Variants in CAMKK2 observed in about 807,000 individuals in gnomAD.
CAMKK2 encodes the protein calcium/calmodulin dependent protein kinase kinase 2, also known as calcium/calmodulin-dependent protein kinase kinase 2.
Under a neutral mutation model 67.2 loss-of-function variants are expected in CAMKK2, and 30 were observed. The ratio of observed to expected loss-of-function variants is 0.45; its 90% confidence interval spans 0.33 to 0.61. CAMKK2 has a LOEUF of 0.61. CAMKK2 is among the 20% of genes least tolerant of loss of function. CAMKK2 has a pLI of 0.02. For missense variants in CAMKK2, 643 were observed against 802.0 expected (o/e 0.80, Z 2.39); for synonymous variants, 322 against 326.2 (o/e 0.99, Z 0.14).
At chr12:121,263,989 C>T (rs375291930) in intron 5 of CAMKK2, 50 bp from the exon 6 acceptor site, 57 of 1,486,516 alleles carry the variant, frequency 3.8e-5, no homozygotes, top group South Asian at 1.6e-4. Flanking sequence ...GACTTTCCTC[C>T]GCAGAGGGCA....
intron 9 of CAMKK2, among the ~76,000 whole-genome samples, chr12:121,254,172 G>A (rs546931383): frequency 4.6e-5 from 7 of 152,200 alleles, no homozygotes; most frequent in Middle Eastern, 3.4e-3. Flanking sequence ...AAGAGATAAC[G>A]TGGTGGCCGG....
intron 6 of CAMKK2, among the ~76,000 whole-genome samples, chr12:121,262,016 C>T (rs891182548): frequency 3.3e-5 from 5 of 152,200 alleles, no homozygotes; most frequent in Admixed American, 6.5e-5. Flanking sequence ...CACTTTAAAA[C>T]GAAGACAGTA....
In CAMKK2 at chr12:121,240,229, T is replaced by C. The variant is rs1047752300; in HGVS notation, c.*470A>G. 3.3e-6 allele frequency: 2 copies of C among 598,022 alleles called. No individual in the cohort carries two copies. Among genetic ancestry groups the C allele is most frequent in the Non-Finnish European group, 2.9e-6 (1 of 341,186 alleles). 37.0% of individuals were successfully genotyped at this position (598,022 alleles called of 1,614,324 possible). A position where few individuals can be genotyped will look rare whatever the true frequency, so the allele number is the denominator to read the frequency against. Reference sequence around the variant, plus strand: ...ACCACGGCTCTGGAAGGTGCCATGGTTTCCGGTTTGCACTAGGAGCCACAT... The same window carrying C: ...ACCACGGCTCTGGAAGGTGCCATGGCTTCCGGTTTGCACTAGGAGCCACAT... On this transcript the variant is annotated 3_prime_UTR_variant, in exon 17 of 17. Transcript: ENST00000404169. The surrounding 1 kb of genome is among the most constrained non-coding windows in gnomAD (Gnocchi z 4.4).
At position 121,240,764 on chromosome 12, in the gene CAMKK2, G is replaced by A. The variant is rs201361901; in HGVS notation, c.1702C>T (p.Pro568Ser). Residue 568 changes from proline to serine, a missense_variant, in exon 17 of 17, where the codon CCC becomes TCC. Coordinates refer to ENST00000404169, the MANE Select transcript of CAMKK2 (RefSeq NM_001270485.2). This position sits in a 1 kb window ranked among gnomAD's most constrained non-coding sequence, Gnocchi z 4.4. ...ATGCGTGCGGGGGAGCCGGGGGCGG[G>A]GGCCCAGCAACTTTCCACGCAGGGA... ...GSPCVESCWA[P>S]APGSPARMHP... The A allele has an allele frequency of 7.5e-5, 120 of 1,608,760 alleles. 1 individual carries two copies. The East Asian group carries it at 1.7e-3, about 23-fold the overall frequency.
chr12:121,273,995 G>C (rs112959830), intron 2 of CAMKK2, 61 bp downstream of exon 2: 26 of 1,262,174 alleles, frequency 2.1e-5, no homozygotes, highest in Non-Finnish European at 2.8e-5. Context: ...CAGAGGCCCT[G>C]CTGGGGGCAG....
At chr12:121,297,385 GC>G (rs1287893098), upstream of CAMKK2, 2 of 346,152 alleles carry the variant, frequency 5.8e-6, no homozygotes, top group African/African-American at 4.3e-5. Flanking sequence ...CTTGCTCAGG[GC>G]CGGCCCTAAA....
At chr12:121,291,769 A>T (rs1192861440) in intron 1 of CAMKK2, among the ~76,000 whole-genome samples, 3 of 152,154 alleles carry the variant, frequency 2.0e-5, no homozygotes, top group Non-Finnish European at 4.4e-5. Context: ...TAAAATGGTT[A>T]AGTTTGGGCT....
At chr12:121,286,818 A>T (rs1208666813) in intron 1 of CAMKK2, among the ~76,000 whole-genome samples, 1 of 152,234 alleles carries the variant, frequency 6.6e-6, no homozygotes, top group Non-Finnish European at 1.5e-5. Context: ...GGAGGGCACA[A>T]GTGTGAATGC....
intron 1 of CAMKK2, among the ~76,000 whole-genome samples, chr12:121,279,911 C>T (rs1897451536): frequency 6.6e-6 from 1 of 152,248 alleles, no homozygotes. Flanking sequence ...GGGCTGTTTC[C>T]AACCTGCATC....
At chr12:121,262,755 T>C (rs1893725678) in intron 6 of CAMKK2, among the ~76,000 whole-genome samples, 2 of 152,090 alleles carry the variant, frequency 1.3e-5, no homozygotes, top group African/African-American at 4.8e-5. Flanking sequence ...AGACAAGGTT[T>C]CACCATGTTG....
chr12:121,291,023 T>C (rs1420146685), intron 1 of CAMKK2, among the ~76,000 whole-genome samples: 1 of 152,202 alleles, frequency 6.6e-6, no homozygotes, highest in Non-Finnish European at 1.5e-5. Flanking sequence ...TTTCACCACG[T>C]TGGCCAGACT....
chr12:121,249,454 G>A (rs775922944), intron 13 of CAMKK2, among the ~76,000 whole-genome samples: 3 of 152,216 alleles, frequency 2.0e-5, no homozygotes, highest in Non-Finnish European at 4.4e-5. Flanking sequence ...CAAAGGGACG[G>A]GCCTTTGGAA....
intron 16 of CAMKK2, 97 bp downstream of exon 16, chr12:121,244,476 G>C: frequency 8.6e-7 from 1 of 1,168,776 alleles, no homozygotes; most frequent in East Asian, 2.6e-5. Context: ...GCTGGAAGGA[G>C]CATCTGCCCG....
chr12:121,251,981 T>C (rs1018214804), intron 11 of CAMKK2, among the ~76,000 whole-genome samples: 5 of 152,140 alleles, frequency 3.3e-5, no homozygotes, highest in African/African-American at 1.2e-4. Context: ...CAAAAGCTTC[T>C]AGGAATACCC....
intron 1 of CAMKK2, among the ~76,000 whole-genome samples, chr12:121,275,096 C>G (rs769675368): frequency 1.2e-4 from 18 of 152,192 alleles, no homozygotes; most frequent in Non-Finnish European, 2.4e-4. Flanking sequence ...TCTGGGCCTA[C>G]TATTGCTGGT....
In CAMKK2 at chr12:121,249,957, T is replaced by G; in HGVS notation, c.1235+4A>C. 1 of 1,613,854 alleles carries G rather than the reference T, an allele frequency of 6.2e-7. No homozygotes were observed. The highest frequency in any genetic ancestry group is 8.5e-7 in the Non-Finnish European group (1 of 1,179,874). Reference sequence around the variant, plus strand: ...AGAGATGCGGGACGGCGGGAGATACTCACTGGTCTGGAAATTCCAGGGCCT... The same window carrying G: ...AGAGATGCGGGACGGCGGGAGATACGCACTGGTCTGGAAATTCCAGGGCCT... On this transcript the variant is annotated splice_donor_region_variant and intron_variant, in intron 12 of 16. Coordinates refer to ENST00000404169, the MANE Select transcript of CAMKK2 (RefSeq NM_001270485.2).
chr12:121,257,440 G>T (rs1282983308), intron 7 of CAMKK2, among the ~76,000 whole-genome samples: 1 of 151,898 alleles, frequency 6.6e-6, no homozygotes, highest in African/African-American at 2.4e-5. Context: ...TAAAGATGGG[G>T]TTTCACCGTA....
chr12:121,247,329 C>A (rs574266828), intron 14 of CAMKK2, among the ~76,000 whole-genome samples: 2 of 152,310 alleles, frequency 1.3e-5, no homozygotes, highest in African/African-American at 4.8e-5. Context: ...CTCCACCCAG[C>A]CCCTGCTCCC....
At chr12:121,252,910 T>G (rs972755142) in intron 10 of CAMKK2, among the ~76,000 whole-genome samples, 196 bp from the exon 11 acceptor site, 1 of 152,102 alleles carries the variant, frequency 6.6e-6, no homozygotes, top group Non-Finnish European at 1.5e-5. Flanking sequence ...GCCACAGTGA[T>G]TGGTTCAAGC....
Sources: gnomAD v4.1 joint callset for allele counts (sites outside exome capture counted in the v4.1 genomes callset) on GRCh38, gnomAD v4.1.1 for gene constraint, Gnocchi (gnomAD v3.1) non-coding constraint, MANE v1.5 for transcripts, NCBI Gene and HGNC (gene_info 2026-07-23, HGNC 2026-07-21) for gene names.